Variants in NR2C2 observed in about 807,000 individuals in gnomAD.
NR2C2 encodes nuclear receptor subfamily 2 group C member 2.
A neutral mutation model predicts 62.9 loss-of-function variants in NR2C2; 6 were observed. That is an observed-to-expected ratio of 0.10 (90% CI 0.05 to 0.19). The LOEUF is 0.19. NR2C2 is among the 10% of genes least tolerant of loss of function. The pLI, the probability that NR2C2 is intolerant of heterozygous loss-of-function variation, is 1.00. For missense variants in NR2C2, 479 were observed against 762.7 expected (o/e 0.63, Z 4.38); for synonymous variants, 272 against 273.8 (o/e 0.99, Z 0.07).
Position 14,995,320 on chromosome 3 carries a change from CA to C in NR2C2, c.-39-8539del, listed in dbSNP as rs761643743. On this transcript the variant is annotated intron_variant, in intron 1 of 13. Coordinates refer to ENST00000425241, the MANE Select transcript of NR2C2 (RefSeq NM_001291694.2). The stretch of plus-strand genomic sequence containing the variant: ...TTTCAGAACATTTTCTTTACCCCCT[CA>C]AAAAAAAAAAAAAAAACCCCACACT... 4.1e-3 allele frequency among the ~76,000 whole-genome samples: 488 copies of C among 118,050 alleles called. 2 individuals are homozygous for C. The highest frequency in any genetic ancestry group is 0.012 in the East Asian group (47 of 3,938). The allele number at this position is 118,050 out of a possible 152,430, so 77.4% of individuals were successfully genotyped here. A position where few individuals can be genotyped will look rare whatever the true frequency, so the allele number is the denominator to read the frequency against.
intron 12 of NR2C2, chr3:15,038,918 C>T (rs1384020846): frequency 1.6e-5 from 9 of 567,328 alleles, no homozygotes; most frequent in Admixed American, 6.0e-5. Context: ...TCAGGGTCCC[C>T]GACCCGCTCC....
At chr3:14,976,493 C>T (rs911144448) in intron 1 of NR2C2, among the ~76,000 whole-genome samples, 2 of 151,994 alleles carry the variant, frequency 1.3e-5, no homozygotes, top group South Asian at 2.1e-4. Context: ...CTCTGACCTC[C>T]TGCTGTAGTC....
intron 1 of NR2C2, among the ~76,000 whole-genome samples, chr3:14,956,936 A>G (rs1306581193): frequency 2.0e-5 from 3 of 152,218 alleles, no homozygotes; most frequent in Non-Finnish European, 4.4e-5. Flanking sequence ...TACACATTTT[A>G]CAGTTTGAGT....
chr3:15,041,200 T>C (rs1034289176), intron 13 of NR2C2, among the ~76,000 whole-genome samples: 4 of 152,242 alleles, frequency 2.6e-5, no homozygotes, highest in African/African-American at 7.2e-5. Context: ...ATTTTTTCTT[T>C]ATCTTGATAT....
At chr3:15,007,174 C>T (rs1460505361) in intron 2 of NR2C2, among the ~76,000 whole-genome samples, 2 of 147,824 alleles carry the variant, frequency 1.4e-5, no homozygotes, top group Non-Finnish European at 3.0e-5. Context: ...GTCGCCCAGG[C>T]TGGAGTGTAG....
chr3:14,967,589 T>G lies in NR2C2; in HGVS notation c.-40+19683T>G, dbSNP rs536806396. On this transcript the variant is annotated intron_variant, in intron 1 of 13. Transcript: ENST00000425241. Reference sequence around the variant, plus strand: ...AAGGAATAGCTGAGAATGGGAGAGATAAGGTGGCAGATGATAATTGGTAAC... The same window carrying G: ...AAGGAATAGCTGAGAATGGGAGAGAGAAGGTGGCAGATGATAATTGGTAAC... Among the ~76,000 whole-genome samples the G allele has an allele frequency of 2.2e-4, 34 of 152,186 alleles. 4 individuals are homozygous for G. Among genetic ancestry groups the G allele is most frequent in the South Asian group, 2.1e-3 (10 of 4,822 alleles).
intron 1 of NR2C2, among the ~76,000 whole-genome samples, chr3:14,950,420 T>TGGCTCACGCCTGTAATC (rs2039318389): frequency 6.6e-6 from 1 of 152,156 alleles, no homozygotes; most frequent in African/African-American, 2.4e-5. Flanking sequence ...TAAAAACCTT[T>TGGCTCACGCCTGTAATC]CCAAGGCTTT....
intron 1 of NR2C2, among the ~76,000 whole-genome samples, chr3:14,964,922 A>G (rs1163059185): frequency 1.3e-5 from 2 of 152,210 alleles, no homozygotes; most frequent in African/African-American, 4.8e-5. Flanking sequence ...CTCAGGGCAC[A>G]AGGCAGAAAC....
chr3:14,984,565 T>C (rs2040463086), intron 1 of NR2C2, among the ~76,000 whole-genome samples: 1 of 152,188 alleles, frequency 6.6e-6, no homozygotes, highest in South Asian at 2.1e-4. Flanking sequence ...TGTGTCCACT[T>C]TTTTTGTCTT....
intron 1 of NR2C2, among the ~76,000 whole-genome samples, chr3:14,975,716 T>C (rs2040185493): frequency 6.6e-6 from 1 of 152,208 alleles, no homozygotes; most frequent in African/African-American, 2.4e-5. Context: ...GTGATAATAC[T>C]GGCCTCATGG....
chr3:14,957,305 T>C (rs2039555148), intron 1 of NR2C2, among the ~76,000 whole-genome samples: 1 of 152,240 alleles, frequency 6.6e-6, no homozygotes, highest in Admixed American at 6.5e-5. Flanking sequence ...TGTTCATTGT[T>C]ATCTGAAACT....
chr3:14,986,847 C>T (rs902542150), intron 1 of NR2C2, among the ~76,000 whole-genome samples: 3 of 152,258 alleles, frequency 2.0e-5, no homozygotes, highest in East Asian at 1.9e-4. Context: ...AATAGGAGTG[C>T]CACCCAAACG....
At chr3:15,016,320 TG>T in intron 4 of NR2C2, 66 bp downstream of exon 4, 1 of 1,184,310 alleles carries the variant, frequency 8.4e-7, no homozygotes, top group Admixed American at 1.8e-5. Context: ...TGTTGTGAGG[TG>T]GGGTGGTAGT....
intron 1 of NR2C2, among the ~76,000 whole-genome samples, chr3:14,960,879 A>T (rs1014506829): frequency 6.6e-6 from 1 of 152,224 alleles, no homozygotes; most frequent in Non-Finnish European, 1.5e-5. Flanking sequence ...TGGTAGACTT[A>T]AAGACGCCTT....
At chr3:14,998,659 T>TC (rs367805546) in intron 1 of NR2C2, among the ~76,000 whole-genome samples, 1 of 152,196 alleles carries the variant, frequency 6.6e-6, no homozygotes, top group Non-Finnish European at 1.5e-5. Context: ...ACTTTTTTTT[T>TC]CCCCCATTTT....
intron 8 of NR2C2, among the ~76,000 whole-genome samples, chr3:15,029,355 C>T (rs185590044): frequency 1.1e-4 from 17 of 152,158 alleles, no homozygotes; most frequent in South Asian, 4.2e-4. Context: ...TGCCAGATGC[C>T]GATAACTGCT....
At chr3:15,012,873 A>G (rs1203822260) in intron 2 of NR2C2, among the ~76,000 whole-genome samples, 8 of 152,258 alleles carry the variant, frequency 5.3e-5, no homozygotes, top group Admixed American at 5.2e-4. Context: ...GAGTCTTGAC[A>G]GCGAGACTCC....
chr3:14,998,056 T>C (rs1193311241), intron 1 of NR2C2, among the ~76,000 whole-genome samples: 1 of 152,240 alleles, frequency 6.6e-6, no homozygotes, highest in Non-Finnish European at 1.5e-5. Flanking sequence ...TATATGGTGG[T>C]CTTTCGTGGC....
intron 1 of NR2C2, among the ~76,000 whole-genome samples, chr3:14,972,162 TTC>T (rs2040061793): frequency 6.6e-6 from 1 of 150,834 alleles, no homozygotes. Context: ...TCTTTTTTTT[TTC>T]TTTTTCTTTC....
Sources: allele counts gnomAD v4.1 joint callset (sites outside exome capture counted in the v4.1 genomes callset), GRCh38; gene constraint gnomAD v4.1.1; transcripts MANE v1.5; gene names NCBI Gene and HGNC (gene_info 2026-07-23, HGNC 2026-07-21).